TENM3: variants seen among roughly 807,000 people sequenced by gnomAD.
The protein encoded by TENM3 is teneurin-3.
Under a neutral mutation model 255.1 loss-of-function variants are expected in TENM3, and 63 were observed. The observed-to-expected ratio is 0.25, with a 90% confidence interval of 0.20 to 0.30. The LOEUF (loss-of-function observed/expected upper bound fraction) is 0.30. Among genes scored for constraint, TENM3 ranks in the 10% least tolerant of loss-of-function variants. The pLI, the probability that TENM3 is intolerant of heterozygous loss-of-function variation, is 1.00. For missense variants in TENM3, 2,929 were observed against 3,461.1 expected, an observed-to-expected ratio of 0.85 and a Z score of 3.86; for synonymous variants, 1,306 against 1,322.3, an observed-to-expected ratio of 0.99 and a Z score of 0.27.
intron 10 of TENM3, 79 bp from the exon 11 acceptor site, chr4:182,681,735 G>T: frequency 9.7e-7 from 1 of 1,027,242 alleles, no homozygotes; most frequent in Non-Finnish European, 1.4e-6. Context: ...ATATAAATTA[G>T]ATTAGGATTT....
At chr4:181,739,991 T>TC in the TENM3 span, among the ~76,000 whole-genome samples, 1 of 152,342 alleles carries the variant, frequency 6.6e-6, no homozygotes, top group Middle Eastern at 3.4e-3. Flanking sequence ...TGAAATCAAA[T>TC]CCAATTTTAG....
the TENM3 span, among the ~76,000 whole-genome samples, chr4:181,676,192 A>G: frequency 3.3e-5 from 5 of 152,250 alleles, no homozygotes; most frequent in Admixed American, 2.6e-4. Context: ...ATTAAAGTAT[A>G]GTGCAGTGAA....
intron 11 of TENM3, among the ~76,000 whole-genome samples, chr4:182,684,168 G>A (rs1756387419): frequency 6.6e-6 from 1 of 151,296 alleles, no homozygotes; most frequent in South Asian, 2.1e-4. Context: ...GAGAAGCAGG[G>A]AAGAGAGAAG....
At chr4:182,156,457 C>G (rs190527611) in intron 1 of TENM3, among the ~76,000 whole-genome samples, 2 of 152,072 alleles carry the variant, frequency 1.3e-5, no homozygotes, top group African/African-American at 4.8e-5. Context: ...TCTCGTCACC[C>G]GGGCAGTGAG....
At chr4:181,771,303 A>G in the TENM3 span, among the ~76,000 whole-genome samples, 1 of 152,246 alleles carries the variant, frequency 6.6e-6, no homozygotes, top group Non-Finnish European at 1.5e-5. Context: ...TGGAGGGTAT[A>G]AGGACAGCAG....
intron 1 of TENM3, among the ~76,000 whole-genome samples, chr4:182,171,654 C>T (rs1752115318): frequency 1.3e-5 from 2 of 152,124 alleles, no homozygotes; most frequent in African/African-American, 2.4e-5. Flanking sequence ...TAATGCACAA[C>T]ATAGTTCAGT....
At chr4:181,762,640 C>T in the TENM3 span, among the ~76,000 whole-genome samples, 2 of 152,158 alleles carry the variant, frequency 1.3e-5, no homozygotes, top group African/African-American at 4.8e-5. Context: ...CAGGGACTGA[C>T]AAAAAGCCAT....
In TENM3 at chr4:182,629,387, G is replaced by T. The variant is rs148039982; in HGVS notation, c.988+498G>T. Among the ~76,000 whole-genome samples, 466 of 152,210 alleles carry T rather than the reference G, an allele frequency of 3.1e-3. 3 individuals carry two copies. Among genetic ancestry groups the T allele is most frequent in the African/African-American group, 0.011 (437 of 41,536 alleles). On this transcript the variant is annotated intron_variant, in intron 5 of 27. Coordinates refer to ENST00000511685, the MANE Select transcript of TENM3 (RefSeq NM_001080477.4). ...GAGAACTGGGCGTCCATAAAGCAATGAATGGATTATATACTCATTCATATA... is the reference window on the plus strand; with the variant it reads ...GAGAACTGGGCGTCCATAAAGCAATTAATGGATTATATACTCATTCATATA...
the TENM3 span, chr4:182,085,021 G>A: frequency 2.0e-5 from 3 of 152,096 alleles, no homozygotes; most frequent in Non-Finnish European, 4.4e-5. Context: ...CTGAGAATGC[G>A]TCTCCTAAGA....
the TENM3 span, among the ~76,000 whole-genome samples, chr4:182,083,655 C>A: frequency 5.9e-5 from 9 of 152,276 alleles, no homozygotes; most frequent in African/African-American, 2.2e-4. Flanking sequence ...ATATTTATTT[C>A]TTTGTTCTGA....
chr4:181,604,271 A>G, the TENM3 span, among the ~76,000 whole-genome samples: 2 of 152,140 alleles, frequency 1.3e-5, no homozygotes, highest in Non-Finnish European at 2.9e-5. Flanking sequence ...TCTAAAAAAA[A>G]GAAAAGAAAA....
At chr4:182,548,221 T>C (rs1490410783) in intron 3 of TENM3, among the ~76,000 whole-genome samples, 1 of 152,036 alleles carries the variant, frequency 6.6e-6, no homozygotes, top group Non-Finnish European at 1.5e-5. Flanking sequence ...TGAGACCCTG[T>C]CTCAGAAAAT....
chr4:182,786,110 T>C (rs1483413108), intron 24 of TENM3, among the ~76,000 whole-genome samples: 2 of 152,200 alleles, frequency 1.3e-5, no homozygotes, highest in Non-Finnish European at 2.9e-5. Context: ...ATCCAGTATT[T>C]GTCTGGATAA....
the TENM3 span, among the ~76,000 whole-genome samples, chr4:182,014,112 A>G: frequency 2.3e-4 from 33 of 140,772 alleles, no homozygotes; most frequent in Non-Finnish European, 3.4e-4. Context: ...GTATATACAC[A>G]TATATACGTA....
chr4:182,113,351 GCGTCTA>G, the TENM3 span, among the ~76,000 whole-genome samples: 6 of 151,934 alleles, frequency 3.9e-5, no homozygotes, highest in Admixed American at 1.3e-4. Flanking sequence ...CAATTGAAAT[GCGTCTA>G]CAAAGAAGGG....
chr4:181,962,353 G>A, the TENM3 span, among the ~76,000 whole-genome samples: 32 of 152,284 alleles, frequency 2.1e-4, no homozygotes, highest in South Asian at 1.5e-3. Context: ...TAAGCAGATC[G>A]GATCTCTGTG....
At chr4:181,787,108 A>C in the TENM3 span, among the ~76,000 whole-genome samples, 1 of 152,210 alleles carries the variant, frequency 6.6e-6, no homozygotes, top group African/African-American at 2.4e-5. Flanking sequence ...AAACCTTAAT[A>C]ACTGAATTCC....
At chr4:182,467,298 A>AATGAT (rs71803728) in intron 3 of TENM3, among the ~76,000 whole-genome samples, 2 of 82,500 alleles carry the variant, frequency 2.4e-5, no homozygotes, top group Non-Finnish European at 6.6e-5. Context: ...GTAAAAGAGA[A>AATGAT]ATGATATAAG....
chr4:182,680,186 C>T (rs1009853466), intron 8 of TENM3, 62 bp from the exon 9 acceptor site: 5 of 1,148,656 alleles, frequency 4.4e-6, no homozygotes, highest in African/African-American at 3.0e-5. Flanking sequence ...CAAAGTGATA[C>T]CGTTTATCTT....
Sources: gnomAD v4.1 joint callset for allele counts (sites outside exome capture counted in the v4.1 genomes callset) on GRCh38, gnomAD v4.1.1 for gene constraint, MANE v1.5 for transcripts, NCBI Gene and HGNC (gene_info 2026-07-23, HGNC 2026-07-21) for gene names.